The following CLVS1 variants were observed in gnomAD, a reference collection of about 807,000 sequenced individuals.
CLVS1 encodes the protein clavesin 1, also known as clavesin-1.
A neutral mutation model predicts 33.1 loss-of-function variants in CLVS1; 10 were observed. The ratio of observed to expected loss-of-function variants is 0.30; its 90% confidence interval spans 0.19 to 0.51. The LOEUF (loss-of-function observed/expected upper bound fraction) is 0.51. Among genes scored for constraint, CLVS1 ranks in the 20% least tolerant of loss-of-function variants. The pLI is 0.97. For synonymous variants in CLVS1, 163 were observed against 166.1 expected (o/e 0.98, Z 0.14); for missense variants, 343 against 433.4 (o/e 0.79, Z 1.85).
At chr8:61,356,876 G>A (rs1451768546) in intron 2 of CLVS1, among the ~76,000 whole-genome samples, 10 of 152,190 alleles carry the variant, frequency 6.6e-5, no homozygotes, top group Middle Eastern at 6.8e-3. Flanking sequence ...CTTTTGGCTT[G>A]GGATTGACTT....
intron 5 of CLVS1, among the ~76,000 whole-genome samples, chr8:61,467,048 T>C (rs1427674288): frequency 2.0e-5 from 3 of 152,202 alleles, no homozygotes; most frequent in Admixed American, 6.5e-5. Flanking sequence ...TTCAAATATA[T>C]GTATCTGTAT....
In CLVS1 at chr8:61,499,660, A is replaced by G. The variant is rs1045451773; in HGVS notation, c.*118A>G. 1.5e-6 allele frequency: 1 copy of G among 656,668 alleles called. No homozygotes were observed. The highest frequency in any genetic ancestry group is 2.7e-6 in the Non-Finnish European group (1 of 370,020). 40.7% of individuals were successfully genotyped at this position (656,668 alleles called of 1,614,324 possible). A position where few individuals can be genotyped will look rare whatever the true frequency, so the allele number is the denominator to read the frequency against. On this transcript the variant is annotated 3_prime_UTR_variant, in exon 6 of 6. Transcript: ENST00000325897. ...TGTTCTGCTTGACACAAGGTCCTCC[A>G]CTCCTGAACCCCTGCAGTGACTGTC...
chr8:61,086,980 G>A (rs547445785), intron 1 of CLVS1, among the ~76,000 whole-genome samples: 21 of 152,322 alleles, frequency 1.4e-4, no homozygotes, highest in African/African-American at 5.1e-4. Flanking sequence ...CCATTGAGGA[G>A]AAGCAGCATG....
At chr8:61,213,224 C>A (rs1487188246) in intron 2 of CLVS1, among the ~76,000 whole-genome samples, 1 of 149,782 alleles carries the variant, frequency 6.7e-6, no homozygotes, top group African/African-American at 2.5e-5. Context: ...CCACTTGCTT[C>A]ACTCCCAGCT....
At chr8:61,005,369 A>T in the CLVS1 span, among the ~76,000 whole-genome samples, 4 of 128,168 alleles carry the variant, frequency 3.1e-5, no homozygotes, top group Non-Finnish European at 6.5e-5. Context: ...AGGGAACAAC[A>T]GGGTGGCTTT....
At chr8:61,008,727 A>G in the CLVS1 span, among the ~76,000 whole-genome samples, 8 of 152,318 alleles carry the variant, frequency 5.3e-5, no homozygotes, top group African/African-American at 1.7e-4. Context: ...TGTAACTGAT[A>G]TTGCTGAGTT....
At chr8:61,081,981 A>G (rs999368603) in intron 1 of CLVS1, among the ~76,000 whole-genome samples, 2 of 152,230 alleles carry the variant, frequency 1.3e-5, no homozygotes, top group African/African-American at 4.8e-5. Flanking sequence ...CATTAGAACC[A>G]GACTTATATA....
chr8:61,224,029 G>A (rs1442798983), intron 2 of CLVS1, among the ~76,000 whole-genome samples: 1 of 152,016 alleles, frequency 6.6e-6, no homozygotes, highest in Non-Finnish European at 1.5e-5. Context: ...GGTCATTTAT[G>A]TTCCTCTTTA....
At chr8:61,227,708 AAAG>A (rs1453225224) in intron 2 of CLVS1, among the ~76,000 whole-genome samples, 1 of 152,188 alleles carries the variant, frequency 6.6e-6, no homozygotes, top group African/African-American at 2.4e-5. Flanking sequence ...GTCAGTTGCA[AAAG>A]AAGGAGTGTC....
intron 2 of CLVS1, among the ~76,000 whole-genome samples, chr8:61,255,181 ATT>A (rs1214860793): frequency 6.6e-6 from 1 of 152,220 alleles, no homozygotes; most frequent in Admixed American, 6.5e-5. Flanking sequence ...ATCACAGAAT[ATT>A]TCAGTGGGAA....
chr8:61,136,873 GA>G (rs1585635912), intron 2 of CLVS1, among the ~76,000 whole-genome samples: 8 of 152,322 alleles, frequency 5.3e-5, no homozygotes, highest in African/African-American at 1.9e-4. Context: ...AGTGATTTGT[GA>G]GTTCTGGTTT....
chr8:61,338,370 A>G (rs1366768643), intron 2 of CLVS1, among the ~76,000 whole-genome samples: 3 of 152,202 alleles, frequency 2.0e-5, no homozygotes, highest in African/African-American at 7.2e-5. Context: ...TCCTAAACTT[A>G]AATGTAGACC....
intron 2 of CLVS1, among the ~76,000 whole-genome samples, chr8:61,257,938 CAATGGTGGTGGT>C (rs1478994024): frequency 2.0e-5 from 3 of 151,932 alleles, no homozygotes; most frequent in African/African-American, 7.3e-5. Context: ...CTATTAATGT[CAATGGTGGTGGT>C]GATGATGATG....
chr8:61,499,376 A>C, intron 5 of CLVS1, 79 bp from the exon 6 acceptor site: 1 of 858,800 alleles, frequency 1.2e-6, no homozygotes, highest in Non-Finnish European at 1.9e-6. Context: ...GAAATATAAA[A>C]TCCGGATGTC....
chr8:61,178,625 C>T (rs1236058589), intron 2 of CLVS1, among the ~76,000 whole-genome samples: 1 of 152,158 alleles, frequency 6.6e-6, no homozygotes, highest in Non-Finnish European at 1.5e-5. Context: ...CAAAGGGAAG[C>T]CCATCAGAGT....
intron 1 of CLVS1, among the ~76,000 whole-genome samples, chr8:61,089,649 C>T (rs995405871): frequency 5.9e-5 from 9 of 152,072 alleles, no homozygotes; most frequent in East Asian, 5.8e-4. Context: ...CTGGGCATGG[C>T]GGTTCACACC....
At chr8:61,450,004 A>T (rs1425748315) in intron 3 of CLVS1, among the ~76,000 whole-genome samples, 3 of 152,360 alleles carry the variant, frequency 2.0e-5, no homozygotes, top group African/African-American at 7.2e-5. Context: ...TTACCACTGT[A>T]CATGCAGAAC....
chr8:61,248,438 T>C (rs1808862767), intron 2 of CLVS1, among the ~76,000 whole-genome samples: 1 of 152,056 alleles, frequency 6.6e-6, no homozygotes. Context: ...TGCTTTTCCA[T>C]TTGTTTGTTT....
the CLVS1 span, among the ~76,000 whole-genome samples, chr8:61,047,379 C>A: frequency 5.9e-5 from 9 of 152,184 alleles, no homozygotes; most frequent in Admixed American, 3.3e-4. Context: ...CTAGTTCAAC[C>A]ATTGTGGAAG....
Sources: allele counts gnomAD v4.1 joint callset (sites outside exome capture counted in the v4.1 genomes callset), GRCh38; gene constraint gnomAD v4.1.1; transcripts MANE v1.5; gene names NCBI Gene and HGNC (gene_info 2026-07-23, HGNC 2026-07-21).